Variants in TUBGCP3 observed in about 807,000 individuals in gnomAD.
The protein encoded by TUBGCP3 is gamma-tubulin complex component 3.
In TUBGCP3, 50 loss-of-function variants were observed where a neutral mutation model predicts 123.1. The ratio of observed to expected loss-of-function variants is 0.41; its 90% CI spans 0.32 to 0.51. The LOEUF (loss-of-function observed/expected upper bound fraction) is 0.51, where lower values mean the gene tolerates loss of function less well. TUBGCP3 is among the 20% of genes least tolerant of loss of function. The pLI is 0.36. For missense variants in TUBGCP3, 882 were observed against 1,127.0 expected, an observed-to-expected ratio of 0.78 and a Z score of 3.11; for synonymous variants, 405 against 413.9, an observed-to-expected ratio of 0.98 and a Z score of 0.26.
intron 17 of TUBGCP3, among the ~76,000 whole-genome samples, chr13:112,510,820 T>C (rs1179002608): frequency 1.3e-5 from 2 of 152,162 alleles, no homozygotes; most frequent in Middle Eastern, 3.2e-3. Context: ...CAGCTTAAAG[T>C]TTCCATCAAT....
rs757216600 is a variant in TUBGCP3 at position 112,519,975 on chromosome 13, T to C, written c.1792A>G (p.Thr598Ala). 1 of 1,614,002 alleles carries C rather than the reference T, an allele frequency of 6.2e-7. No individual in the cohort carries two copies. Among genetic ancestry groups the C allele is most frequent in the Non-Finnish European group, 8.5e-7 (1 of 1,179,880 alleles). The change falls in exon 15 of 22, where the codon ACT (threonine) becomes GCT (alanine). Residue 598 changes from threonine (T) to alanine (A), a missense_variant. Around this residue, in one of 3 missense-constraint regions of TUBGCP3, gnomAD observed 713 missense variants for 874.0 expected, o/e 0.82. Coordinates refer to ENST00000261965, the MANE Select transcript of TUBGCP3 (RefSeq NM_006322.6). This position sits in a 1 kb window ranked among gnomAD's most constrained non-coding sequence, Gnocchi z 6.2. ...CTGACAGCGGTTTCTAGAATTCCAG[T>C]CAAGTTATGCTGATACAAAGTCGTA... ...PATTLYQHNL[T>A]GILETAVRAT...
chr13:112,557,548 C>T (rs1173844327), intron 5 of TUBGCP3, among the ~76,000 whole-genome samples: 1 of 152,174 alleles, frequency 6.6e-6, no homozygotes, highest in Non-Finnish European at 1.5e-5. Context: ...AGCAAAGCCA[C>T]CCGTTTATCT....
chr13:112,588,245 C>G (rs937219756), upstream of TUBGCP3: 6 of 324,954 alleles, frequency 1.8e-5, no homozygotes, highest in Non-Finnish European at 2.8e-5. Context: ...TGCATTCCCC[C>G]TGCTGCTGCC....
chr13:112,514,867 C>CA (rs1173655943), intron 17 of TUBGCP3, among the ~76,000 whole-genome samples: 1 of 151,848 alleles, frequency 6.6e-6, no homozygotes, highest in Non-Finnish European at 1.5e-5. Flanking sequence ...TTTATATCGG[C>CA]AAAAAATTGG....
chr13:112,560,680 C>T (rs372186512), intron 3 of TUBGCP3, among the ~76,000 whole-genome samples: 1 of 152,178 alleles, frequency 6.6e-6, no homozygotes, highest in East Asian at 1.9e-4. Flanking sequence ...GTAAACTCTC[C>T]ATTATATAAA....
intron 21 of TUBGCP3, 58 bp from the exon 22 acceptor site, chr13:112,486,209 A>G: frequency 6.3e-7 from 1 of 1,595,528 alleles, no homozygotes; most frequent in South Asian, 1.1e-5. Flanking sequence ...CCACAAACGT[A>G]TTCCCCGGAC....
chr13:112,486,925 AC>A (rs1879710361), intron 21 of TUBGCP3, among the ~76,000 whole-genome samples: 2 of 152,192 alleles, frequency 1.3e-5, no homozygotes, highest in African/African-American at 2.4e-5. Context: ...CCAAGTCTTC[AC>A]CAGCTGTCAC....
chr13:112,526,030 T>C (rs1877033200), intron 13 of TUBGCP3, among the ~76,000 whole-genome samples: 1 of 152,142 alleles, frequency 6.6e-6, no homozygotes, highest in East Asian at 1.9e-4. Flanking sequence ...TAATCTGTAA[T>C]ATCAGCACAT....
chr13:112,577,920 T>C (rs1277384327), intron 1 of TUBGCP3, among the ~76,000 whole-genome samples: 1 of 152,202 alleles, frequency 6.6e-6, no homozygotes, highest in Non-Finnish European at 1.5e-5. Context: ...AAGCTTTCTT[T>C]GGTAAACTCA....
chr13:112,554,011 T>G (rs773176025), intron 8 of TUBGCP3, 46 bp downstream of exon 8: 8 of 1,589,458 alleles, frequency 5.0e-6, no homozygotes, highest in Non-Finnish European at 6.8e-6. Flanking sequence ...AGTAAGCGTT[T>G]CCCAAAGTGC....
chr13:112,512,785 C>T (rs915523744), intron 17 of TUBGCP3, among the ~76,000 whole-genome samples: 2 of 152,128 alleles, frequency 1.3e-5, no homozygotes, highest in Non-Finnish European at 2.9e-5. Flanking sequence ...CTGAGAACTT[C>T]AGGGACCATT....
chr13:112,516,524 A>G lies in TUBGCP3; in HGVS notation c.2002T>C (p.Trp668Arg). Residue 668 changes from tryptophan to arginine, a missense_variant, in exon 17 of 22, where the codon TGG becomes CGG. By Grantham distance (101) the Trp-to-Arg change is moderately radical (BLOSUM62 -3). Coordinates refer to ENST00000261965, the MANE Select transcript of TUBGCP3 (RefSeq NM_006322.6). Reference sequence around the variant, plus strand: ...ATGTATTCCATCCGCTTCGCCCTCCAGAGGAAGTTAAATACTCTTAGGTAG... The same window carrying G: ...ATGTATTCCATCCGCTTCGCCCTCCGGAGGAAGTTAAATACTCTTAGGTAG... ...SHYLRVFNFL[W>R]RAKRMEYILT... 1 of 1,614,188 alleles carries G rather than the reference A, an allele frequency of 6.2e-7. No individual in the cohort carries two copies.
chr13:112,493,030 GT>G (rs1283488363), intron 20 of TUBGCP3, among the ~76,000 whole-genome samples: 2 of 144,346 alleles, frequency 1.4e-5, no homozygotes, highest in East Asian at 2.2e-4. Flanking sequence ...GGGGCCTGGT[GT>G]GCCTGAGACA....
At chr13:112,488,686 C>T (rs1430789430) in intron 21 of TUBGCP3, among the ~76,000 whole-genome samples, 2 of 138,624 alleles carry the variant, frequency 1.4e-5, no homozygotes, top group Non-Finnish European at 3.1e-5. Flanking sequence ...GCACAGGGGT[C>T]ACCCCCAGGT....
At chr13:112,561,943 A>G (rs963775115) in intron 3 of TUBGCP3, among the ~76,000 whole-genome samples, 2 of 152,242 alleles carry the variant, frequency 1.3e-5, no homozygotes, top group Non-Finnish European at 2.9e-5. Context: ...AAAAAGAGCA[A>G]GTATAAAACA....
At chr13:112,502,150 A>G (rs551176475) in intron 19 of TUBGCP3, among the ~76,000 whole-genome samples, 2 of 152,354 alleles carry the variant, frequency 1.3e-5, no homozygotes, top group East Asian at 3.9e-4. Flanking sequence ...GCCAGCCACT[A>G]TGGTCAACAT....
At chr13:112,579,695 G>A (rs766831829) in intron 1 of TUBGCP3, among the ~76,000 whole-genome samples, 21 of 151,748 alleles carry the variant, frequency 1.4e-4, no homozygotes, top group Non-Finnish European at 2.8e-4. Context: ...CTGTGTGCGG[G>A]TGGAGCCATG....
At position 112,516,473 on chromosome 13, in the gene TUBGCP3, T is replaced by C. The variant is rs1316379816; in HGVS notation, c.2053A>G (p.Met685Val). 1.9e-6 allele frequency: 3 copies of C among 1,612,422 alleles called. No homozygotes were observed. The highest frequency in any genetic ancestry group is 1.7e-5 in the Admixed American group (1 of 59,884). Residue 685 changes from methionine to valine, a missense_variant, in exon 17 of 22, where the codon ATG becomes GTG. Physicochemically the swap from Met to Val is conservative, Grantham distance 21 (BLOSUM62 1). Coordinates refer to ENST00000261965, the MANE Select transcript of TUBGCP3 (RefSeq NM_006322.6). Reference sequence around the variant, plus strand: ...TTTCTCAGGAGCTTTGCATTGCACATGTGTCCCTTCCGTATGTCAGTGAGG... The same window carrying C: ...TTTCTCAGGAGCTTTGCATTGCACACGTGTCCCTTCCGTATGTCAGTGAGG... ...YILTDIRKGH[M>V]CNAKLLRNMP... is the part of the protein sequence containing the mutation.
At chr13:112,497,372 T>C (rs1347548131) in intron 20 of TUBGCP3, among the ~76,000 whole-genome samples, 1 of 152,196 alleles carries the variant, frequency 6.6e-6, no homozygotes, top group Admixed American at 6.5e-5. Context: ...AAAATTCGCT[T>C]TGAATGATGA....
Sources: gnomAD v4.1 joint callset for allele counts (sites outside exome capture counted in the v4.1 genomes callset) on GRCh38, gnomAD v4.1.1 for gene constraint, gnomAD v4.1.1 regional missense constraint, Gnocchi (gnomAD v3.1) non-coding constraint, MANE v1.5 for transcripts, NCBI Gene and HGNC (gene_info 2026-07-23, HGNC 2026-07-21) for gene names.